XKR9: variants seen among roughly 807,000 people sequenced by gnomAD.
XKR9 encodes XK related 9.
Under a neutral mutation model 32.0 loss-of-function variants are expected in XKR9, and 32 were observed. That is an observed-to-expected ratio of 1.00 (90% CI 0.76 to 1.34). The LOEUF is 1.34. Among genes scored for constraint, XKR9 ranks in the 40% most tolerant of loss-of-function variants. The pLI, the probability that XKR9 is intolerant of heterozygous loss-of-function variation, is 0.00. For synonymous variants in XKR9, 168 were observed against 143.4 expected (o/e 1.17, Z -1.22); for missense variants, 546 against 429.7 (o/e 1.27, Z -2.39).
chr8:70,872,447 T>G, the XKR9 span, among the ~76,000 whole-genome samples: 143 of 152,298 alleles, frequency 9.4e-4, no homozygotes, highest in African/African-American at 3.2e-3. Context: ...AAGCAGCAAG[T>G]GTTAATGTAG....
the XKR9 span, among the ~76,000 whole-genome samples, chr8:70,931,851 G>T: frequency 6.6e-6 from 1 of 152,204 alleles, no homozygotes; most frequent in South Asian, 2.1e-4. Flanking sequence ...TAAGGGAATA[G>T]TGCTATGCCA....
the XKR9 span, among the ~76,000 whole-genome samples, chr8:70,973,008 C>T: frequency 6.6e-6 from 1 of 152,036 alleles, no homozygotes; most frequent in East Asian, 1.9e-4. Flanking sequence ...GTCCTTCTTT[C>T]CCTATCTTTT....
the XKR9 span, among the ~76,000 whole-genome samples, chr8:70,796,055 AT>A: frequency 1.4e-3 from 193 of 142,654 alleles, no homozygotes; most frequent in Middle Eastern, 3.6e-3. Context: ...TGAGATTTTG[AT>A]TTTTTTTTTT....
At chr8:70,901,158 T>C in the XKR9 span, among the ~76,000 whole-genome samples, 2 of 152,152 alleles carry the variant, frequency 1.3e-5, no homozygotes, top group Non-Finnish European at 2.9e-5. Context: ...ATTTATAATC[T>C]TTTGGGTATA....
the XKR9 span, among the ~76,000 whole-genome samples, chr8:70,937,548 G>A: frequency 4.6e-5 from 7 of 151,950 alleles, no homozygotes; most frequent in African/African-American, 1.2e-4. Context: ...TGATGTTGAG[G>A]GAATTGTGCA....
chr8:70,693,926 C>CT (rs1805165881), intron 3 of XKR9, among the ~76,000 whole-genome samples: 1 of 152,186 alleles, frequency 6.6e-6, no homozygotes, highest in African/African-American at 2.4e-5. Context: ...CCCAGAGGCT[C>CT]TGTCTATGGA....
the XKR9 span, among the ~76,000 whole-genome samples, chr8:70,859,079 G>T: frequency 6.6e-6 from 1 of 151,972 alleles, no homozygotes; most frequent in South Asian, 2.1e-4. Context: ...ACAGAATGAG[G>T]TAAAATATTT....
At position 70,756,872 on chromosome 8, in the gene XKR9, A is replaced by C. The variant is rs566733508; in HGVS notation, n.353-32467A>C. Among the ~76,000 whole-genome samples, 9 of 152,216 alleles carry C rather than the reference A, an allele frequency of 5.9e-5. No homozygotes were observed. The South Asian group carries it at 1.7e-3, about 28-fold the overall frequency. Reference sequence around the variant, plus strand: ...TGTTTAATGCCATGGCTAGATCCTCAGTATAAGGTCAAATAGAAGTGTTGA... The same window carrying C: ...TGTTTAATGCCATGGCTAGATCCTCCGTATAAGGTCAAATAGAAGTGTTGA... On this transcript the variant is annotated intron_variant and non_coding_transcript_variant, in intron 2 of 3. Transcript: ENST00000520273.
chr8:70,755,218 C>G (rs1170941086), intron 2 of XKR9, among the ~76,000 whole-genome samples: 2 of 152,210 alleles, frequency 1.3e-5, no homozygotes, highest in Admixed American at 1.3e-4. Flanking sequence ...GATACCATCT[C>G]ACACCACTTA....
chr8:70,851,414 C>T, the XKR9 span, among the ~76,000 whole-genome samples: 1 of 152,102 alleles, frequency 6.6e-6, no homozygotes, highest in Admixed American at 6.6e-5. Context: ...ACTTTCTTCA[C>T]AGAATTAGAA....
At chr8:71,028,482 A>T in the XKR9 span, among the ~76,000 whole-genome samples, 1 of 152,166 alleles carries the variant, frequency 6.6e-6, no homozygotes, top group Non-Finnish European at 1.5e-5. Context: ...GGGGCCAGGG[A>T]TGGGGAGAGA....
intron 4 of XKR9, among the ~76,000 whole-genome samples, chr8:70,718,020 C>T (rs1164092771): frequency 2.0e-5 from 3 of 152,174 alleles, no homozygotes; most frequent in Non-Finnish European, 4.4e-5. Flanking sequence ...TCCTCATCTC[C>T]ATCTGAGACC....
chr8:70,831,290 C>CAAAAAAAAAAAAACAAAAAAAAAAAAAA, the XKR9 span, among the ~76,000 whole-genome samples: 1 of 104,410 alleles, frequency 9.6e-6, no homozygotes, highest in Non-Finnish European at 2.0e-5. Flanking sequence ...GACTCTGTCT[C>CAAAAAAAAAAAAACAAAAAAAAAAAAAA]AAAAAAAAAA....
the XKR9 span, among the ~76,000 whole-genome samples, chr8:70,830,259 G>T: frequency 6.6e-6 from 1 of 152,024 alleles, no homozygotes; most frequent in Non-Finnish European, 1.5e-5. Flanking sequence ...CAGTTTCAAG[G>T]ACTTGGTGTC....
the XKR9 span, among the ~76,000 whole-genome samples, chr8:70,931,847 A>G: frequency 6.6e-6 from 1 of 152,190 alleles, no homozygotes; most frequent in Non-Finnish European, 1.5e-5. Flanking sequence ...TTACTAAGGG[A>G]ATAGTGCTAT....
chr8:71,004,180 A>C, the XKR9 span, among the ~76,000 whole-genome samples: 3 of 152,272 alleles, frequency 2.0e-5, no homozygotes, highest in East Asian at 3.9e-4. Context: ...CTGGGAAAGA[A>C]GCTATAGAGG....
chr8:70,899,705 G>T, the XKR9 span, among the ~76,000 whole-genome samples: 5 of 152,116 alleles, frequency 3.3e-5, no homozygotes, highest in Non-Finnish European at 7.4e-5. Flanking sequence ...CCTTTTGGCT[G>T]TAAGTGTCAC....
At chr8:71,031,013 C>T in the XKR9 span, among the ~76,000 whole-genome samples, 1 of 152,074 alleles carries the variant, frequency 6.6e-6, no homozygotes, top group Non-Finnish European at 1.5e-5. Context: ...AATAAATTCT[C>T]CTCCTCCTTC....
rs1359125493 is a variant in XKR9, at chr8:70,740,990, C to G, written n.352+33837C>G. On this transcript the variant is annotated intron_variant and non_coding_transcript_variant, in intron 2 of 3. Coordinates refer to the XKR9 transcript ENST00000520273. Reference sequence around the variant, plus strand: ...TGCGGGCTGGGAGAACCACTGCTCTCTTCAAAAGCTGTCAGACAGGGACAT... The same window carrying G: ...TGCGGGCTGGGAGAACCACTGCTCTGTTCAAAAGCTGTCAGACAGGGACAT... Among the ~76,000 whole-genome samples the G allele has an allele frequency of 3.3e-5, 5 of 152,366 alleles. No individual in the cohort carries two copies. In the South Asian group the frequency reaches 6.2e-4, roughly 19 times the overall value.
Sources: allele counts gnomAD v4.1 joint callset (sites outside exome capture counted in the v4.1 genomes callset), GRCh38; gene constraint gnomAD v4.1.1; transcripts MANE v1.5; gene names NCBI Gene and HGNC (gene_info 2026-07-23, HGNC 2026-07-21).